PPP2CA: variants seen among roughly 807,000 people sequenced by gnomAD.
The protein encoded by PPP2CA is protein phosphatase 2 catalytic subunit alpha, also known as serine/threonine-protein phosphatase 2A catalytic subunit alpha isoform.
Under a neutral mutation model 38.8 loss-of-function variants are expected in PPP2CA, and 5 were observed. That is an observed-to-expected ratio of 0.13 (90% CI 0.07 to 0.27). PPP2CA has a LOEUF of 0.27. Ranked by LOEUF, PPP2CA falls within the 10% of genes least tolerant of loss-of-function variation. The pLI, the probability that PPP2CA is intolerant of heterozygous loss-of-function variation, is 1.00. For missense variants in PPP2CA, 88 were observed against 389.7 expected (o/e 0.23, Z 6.52); for synonymous variants, 152 against 134.0 (o/e 1.13, Z -0.93).
chr5:134,222,106 T>C (rs979959570), intron 1 of PPP2CA, among the ~76,000 whole-genome samples: 3 of 152,156 alleles, frequency 2.0e-5, no homozygotes, highest in African/African-American at 7.2e-5. Context: ...TACCAGAACA[T>C]TAGGCTTAGA....
Position 134,226,014 on chromosome 5 carries a change from G to T in PPP2CA, c.-153C>A. On this transcript the variant is annotated 5_prime_UTR_variant, in exon 1 of 7. Transcript: ENST00000481195. ...CCCGCTGGCTCTCACCGCAGTACTC[G>T]GCCGTCGGCCGCTGCGCCTCCTCCT... 1 of 595,800 alleles carries T rather than the reference G, an allele frequency of 1.7e-6. No homozygotes were observed. Among genetic ancestry groups the T allele is most frequent in the Non-Finnish European group, 2.8e-6 (1 of 355,898 alleles). 36.9% of individuals were successfully genotyped at this position (595,800 alleles called of 1,614,324 possible).
Position 134,197,670 on chromosome 5 carries a change from A to C in PPP2CA, c.*102T>G. ...GGTCCATGTGAAAACAAGTTTTTTG[A>C]ATGTTAACTATTTTCTGACACTTTG... On this transcript the variant is annotated 3_prime_UTR_variant, in exon 7 of 7. Coordinates refer to ENST00000481195, the MANE Select transcript of PPP2CA (RefSeq NM_002715.4). 1 of 952,774 alleles carries C rather than the reference A, an allele frequency of 1.0e-6. No individual in the cohort carries two copies. The highest frequency in any genetic ancestry group is 2.5e-5 in the East Asian group (1 of 39,304). The allele number at this position is 952,774 out of a possible 1,614,324, so 59.0% of individuals were successfully genotyped here. A position where few individuals can be genotyped will look rare whatever the true frequency, so the allele number is the denominator to read the frequency against.
intron 1 of PPP2CA, among the ~76,000 whole-genome samples, chr5:134,221,862 G>GGA (rs1367021160): frequency 6.6e-6 from 1 of 151,600 alleles, no homozygotes; most frequent in Non-Finnish European, 1.5e-5. Flanking sequence ...CAGCTACTAG[G>GGA]GAGACTGATG....
chr5:134,216,376 C>A (rs989138078), intron 1 of PPP2CA, among the ~76,000 whole-genome samples: 1 of 151,284 alleles, frequency 6.6e-6, no homozygotes, highest in African/African-American at 2.4e-5. Context: ...CCCTCCCCTA[C>A]TAAAAATACA....
intron 1 of PPP2CA, among the ~76,000 whole-genome samples, chr5:134,214,054 A>G (rs769132185): frequency 2.0e-5 from 3 of 152,222 alleles, no homozygotes; most frequent in Non-Finnish European, 4.4e-5. Context: ...ATTGGAACCC[A>G]GGAGGCAGAG....
At chr5:134,212,582 G>C (rs1380951137) in intron 1 of PPP2CA, among the ~76,000 whole-genome samples, 1 of 152,144 alleles carries the variant, frequency 6.6e-6, no homozygotes, top group Non-Finnish European at 1.5e-5. Flanking sequence ...ATGCTCAAGT[G>C]AAAGGAAGAG....
In PPP2CA at chr5:134,200,525, C is replaced by T. The variant is rs376205262; in HGVS notation, c.577-29G>A. The T allele has an allele frequency of 2.6e-5, 42 of 1,604,840 alleles. 1 individual carries two copies. The African/African-American group carries it at 4.4e-4, about 17-fold the overall frequency. ...AAAAATAACTTCAAGTTATAAAATGCCTTTTACAAACATGGTTAACACATT... is the reference window on the plus strand; with the variant it reads ...AAAAATAACTTCAAGTTATAAAATGTCTTTTACAAACATGGTTAACACATT... On this transcript the variant is annotated intron_variant, in intron 4 of 6. Coordinates refer to ENST00000481195, the MANE Select transcript of PPP2CA (RefSeq NM_002715.4).
At chr5:134,219,032 T>G (rs1762383363) in intron 1 of PPP2CA, among the ~76,000 whole-genome samples, 1 of 152,186 alleles carries the variant, frequency 6.6e-6, no homozygotes, top group Non-Finnish European at 1.5e-5. Context: ...AAGCATGTCT[T>G]AAGCCTATTT....
chr5:134,216,938 T>C (rs1207210422), intron 1 of PPP2CA, among the ~76,000 whole-genome samples: 1 of 152,222 alleles, frequency 6.6e-6, no homozygotes, highest in Non-Finnish European at 1.5e-5. Context: ...CTAATAATAG[T>C]ACTATTTGAC....
intron 1 of PPP2CA, among the ~76,000 whole-genome samples, chr5:134,220,453 T>A (rs1242320290): frequency 1.1e-3 from 5 of 4,718 alleles, no homozygotes; most frequent in African/African-American, 3.4e-3. Flanking sequence ...TGAGACTCTA[T>A]CTCAAAAAAA....
chr5:134,200,238 GA>G, intron 5 of PPP2CA, 96 bp downstream of exon 5: 1 of 1,336,028 alleles, frequency 7.5e-7, no homozygotes, highest in Non-Finnish European at 1.0e-6. Context: ...GGAATAGATG[GA>G]ATTTCTCACA....
chr5:134,210,010 C>T (rs1404821936), intron 1 of PPP2CA, among the ~76,000 whole-genome samples: 1 of 151,632 alleles, frequency 6.6e-6, no homozygotes, highest in Non-Finnish European at 1.5e-5. Flanking sequence ...CCCAGAAGTT[C>T]AAGGATGCAG....
At position 134,197,621 on chromosome 5, in the gene PPP2CA, G is replaced by C. The variant is rs1761881433; in HGVS notation, c.*151C>G. Reference sequence around the variant, plus strand: ...ACGGCTGTTGATGACAAGAGGCTTTGTATTTTTATATGGCACATCTTTTGG... The same window carrying C: ...ACGGCTGTTGATGACAAGAGGCTTTCTATTTTTATATGGCACATCTTTTGG... On this transcript the variant is annotated 3_prime_UTR_variant, in exon 7 of 7. Transcript: ENST00000481195. 1 of 638,768 alleles carries C rather than the reference G, an allele frequency of 1.6e-6. No individual in the cohort carries two copies. The highest frequency in any genetic ancestry group is 2.8e-6 in the Non-Finnish European group (1 of 359,512). The allele number at this position is 638,768 out of a possible 1,614,324, so 39.6% of individuals were successfully genotyped here.
intron 1 of PPP2CA, among the ~76,000 whole-genome samples, chr5:134,218,317 A>G (rs571174819): frequency 6.6e-6 from 1 of 152,324 alleles, no homozygotes; most frequent in East Asian, 1.9e-4. Flanking sequence ...GATAATTCTA[A>G]AAGTGTAATA....
chr5:134,199,761 T>C (rs1198476032), intron 5 of PPP2CA, among the ~76,000 whole-genome samples: 1 of 130,280 alleles, frequency 7.7e-6, no homozygotes. Flanking sequence ...TGAGCTACTT[T>C]TGTTACTTTT....
intron 1 of PPP2CA, chr5:134,224,363 G>C (rs1580654568): frequency 2.2e-6 from 1 of 446,342 alleles, no homozygotes; most frequent in African/African-American, 2.0e-5. Context: ...TAGTAGTTTT[G>C]TTCAGGCTTG....
chr5:134,205,638 G>A (rs1378141711), intron 2 of PPP2CA: 9 of 323,240 alleles, frequency 2.8e-5, no homozygotes, highest in East Asian at 7.3e-5. Flanking sequence ...CTACCTCAGC[G>A]TCCCAAAGTG....
chr5:134,224,863 GTTA>G (rs1276312083), intron 1 of PPP2CA, among the ~76,000 whole-genome samples: 4 of 152,228 alleles, frequency 2.6e-5, no homozygotes, highest in African/African-American at 9.6e-5. Flanking sequence ...TCAGTCGACA[GTTA>G]TTATCACTAC....
At position 134,225,800 on chromosome 5, in the gene PPP2CA, T is replaced by G; in HGVS notation, c.62A>C (p.Lys21Thr). Residue 21 changes from lysine to threonine, a missense_variant, in exon 1 of 7, where the codon AAG (lysine) becomes ACG (threonine). Lys to Thr is a moderately conservative substitution (Grantham distance 78). Coordinates refer to ENST00000481195, the MANE Select transcript of PPP2CA (RefSeq NM_002715.4). The part of the protein sequence containing the change: ...DQWIEQLNEC[K>T]QLSESQVKSL... ...CTTGACCTGGGACTCGGACAGCTGC[T>G]TGCACTCGTTCAGCTGCTCGATCCA... 6.2e-7 allele frequency: 1 copy of G among 1,611,006 alleles called. No homozygotes were observed.
Sources: gnomAD v4.1 joint callset for allele counts (sites outside exome capture counted in the v4.1 genomes callset) on GRCh38, gnomAD v4.1.1 for gene constraint, MANE v1.5 for transcripts, NCBI Gene and HGNC (gene_info 2026-07-23, HGNC 2026-07-21) for gene names.